ZSCAN25: variants seen among roughly 807,000 people sequenced by gnomAD.
ZSCAN25 encodes the protein zinc finger and SCAN domain containing 25, also known as zinc finger and SCAN domain-containing protein 25.
In ZSCAN25, 27 loss-of-function variants were observed where a neutral mutation model predicts 38.7. That is an observed-to-expected ratio of 0.70 (90% confidence interval 0.51 to 0.96). The LOEUF is 0.96. ZSCAN25 is among the 40% of genes least tolerant of loss of function. ZSCAN25 has a pLI of 0.00. For synonymous variants in ZSCAN25, 273 were observed against 277.7 expected, an observed-to-expected ratio of 0.98 and a Z score of 0.17; for missense variants, 637 against 705.9, an observed-to-expected ratio of 0.90 and a Z score of 1.11.
At chr7:99,715,437 A>T in the ZSCAN25 span, 1 of 344,116 alleles carries the variant, frequency 2.9e-6, no homozygotes, top group Non-Finnish European at 5.5e-6. Context: ...TGAACTAGAG[A>T]ATTAAAAAAA....
the ZSCAN25 span, among the ~76,000 whole-genome samples, chr7:99,675,601 T>C: frequency 9.1e-6 from 1 of 110,310 alleles, no homozygotes; most frequent in African/African-American, 3.3e-5. Context: ...CACCTTTTCC[T>C]CTCCTCTCCT....
chr7:99,689,264 C>T, the ZSCAN25 span, among the ~76,000 whole-genome samples: 40 of 152,038 alleles, frequency 2.6e-4, no homozygotes, highest in South Asian at 6.2e-4. Flanking sequence ...ATTGATAGAA[C>T]GCTAGCAAGA....
the ZSCAN25 span, among the ~76,000 whole-genome samples, chr7:99,727,232 CT>C: frequency 6.6e-6 from 1 of 152,204 alleles, no homozygotes. Flanking sequence ...GCTCTGTAGC[CT>C]TTTTGTCCAA....
the ZSCAN25 span, among the ~76,000 whole-genome samples, chr7:99,723,276 G>T: frequency 6.6e-6 from 1 of 152,124 alleles, no homozygotes; most frequent in African/African-American, 2.4e-5. Flanking sequence ...GTTCCATTAT[G>T]ACTTGTTACT....
At chr7:99,702,813 T>C in the ZSCAN25 span, among the ~76,000 whole-genome samples, 1 of 152,224 alleles carries the variant, frequency 6.6e-6, no homozygotes, top group African/African-American at 2.4e-5. Context: ...GGGATTGCAT[T>C]GAATCTGTAC....
chr7:99,659,880 C>T, the ZSCAN25 span: 147 of 152,624 alleles, frequency 9.6e-4, no homozygotes, highest in East Asian at 2.5e-3. Flanking sequence ...GAGCCATGCG[C>T]GGGATATAAT....
chr7:99,713,043 C>G, the ZSCAN25 span, among the ~76,000 whole-genome samples: 1 of 152,272 alleles, frequency 6.6e-6, no homozygotes, highest in South Asian at 2.1e-4. Context: ...TAGCATGGCT[C>G]CTGATTAGGT....
the ZSCAN25 span, chr7:99,663,565 A>G: frequency 1.0e-6 from 1 of 993,840 alleles, no homozygotes; most frequent in Non-Finnish European, 1.2e-6. Flanking sequence ...AGGACCTTTA[A>G]TTGCAGAATA....
chr7:99,731,367 A>C, the ZSCAN25 span, among the ~76,000 whole-genome samples: 1 of 152,226 alleles, frequency 6.6e-6, no homozygotes, highest in African/African-American at 2.4e-5. Flanking sequence ...ATGATTAGCT[A>C]AAAGCAGCTG....
At chr7:99,709,106 C>T in the ZSCAN25 span, 2 of 1,613,956 alleles carry the variant, frequency 1.2e-6, no homozygotes, top group South Asian at 2.2e-5. Flanking sequence ...TTGGAATCAT[C>T]ACCACCACCC....
At chr7:99,635,654 A>T (rs1227416535), downstream of ZSCAN25, among the ~76,000 whole-genome samples, 2 of 152,154 alleles carry the variant, frequency 1.3e-5, no homozygotes, top group Non-Finnish European at 2.9e-5. Flanking sequence ...AATAGCAATC[A>T]CTTGATGTAT....
the ZSCAN25 span, among the ~76,000 whole-genome samples, chr7:99,687,320 T>G: frequency 6.6e-6 from 1 of 152,104 alleles, no homozygotes; most frequent in Non-Finnish European, 1.5e-5. Context: ...TACAGAGAAG[T>G]CCTTAAAGGA....
the ZSCAN25 span, among the ~76,000 whole-genome samples, chr7:99,657,037 G>T: frequency 1.3e-5 from 2 of 151,958 alleles, no homozygotes; most frequent in Non-Finnish European, 2.9e-5. Flanking sequence ...ACCAGCTCCT[G>T]GATTCATTGA....
downstream of ZSCAN25, among the ~76,000 whole-genome samples, chr7:99,635,735 G>A (rs1808250173): frequency 6.6e-6 from 1 of 152,148 alleles, no homozygotes; most frequent in African/African-American, 2.4e-5. Context: ...GTCTTCACAA[G>A]TTAGAAATAC....
intron 7 of ZSCAN25, among the ~76,000 whole-genome samples, chr7:99,628,096 GA>G (rs1807652923): frequency 6.6e-6 from 1 of 151,226 alleles, no homozygotes; most frequent in African/African-American, 2.4e-5. Context: ...CCACAAAAAG[GA>G]AAAAAAGGGT....
the ZSCAN25 span, chr7:99,666,531 G>C: frequency 1.3e-6 from 2 of 1,511,234 alleles, no homozygotes; most frequent in Non-Finnish European, 1.8e-6. Flanking sequence ...CAGTGCGACT[G>C]TCGACTCCAT....
chr7:99,690,253 C>T, the ZSCAN25 span, among the ~76,000 whole-genome samples: 1 of 152,302 alleles, frequency 6.6e-6, no homozygotes, highest in South Asian at 2.1e-4. Context: ...ATGTAGAAAG[C>T]TGAAACTGGA....
chr7:99,647,954 AT>A, the ZSCAN25 span: 1 of 984,812 alleles, frequency 1.0e-6, no homozygotes, highest in Admixed American at 6.1e-5. Context: ...GATAATTCTT[AT>A]TTTTCTTAAA....
At chr7:99,663,940 T>G in the ZSCAN25 span, 2 of 1,561,394 alleles carry the variant, frequency 1.3e-6, no homozygotes, top group Non-Finnish European at 1.7e-6. Context: ...AACCTAAACA[T>G]CGTCATTTAA....
Sources: gnomAD v4.1 joint callset for allele counts (sites outside exome capture counted in the v4.1 genomes callset) on GRCh38, gnomAD v4.1.1 for gene constraint, MANE v1.5 for transcripts, NCBI Gene and HGNC (gene_info 2026-07-23, HGNC 2026-07-21) for gene names.